The following TBL1XR1 variants were observed in gnomAD, a reference collection of about 807,000 sequenced individuals.
TBL1XR1 encodes F-box-like/WD repeat-containing protein TBL1XR1.
Under a neutral mutation model 66.9 loss-of-function variants are expected in TBL1XR1, and 5 were observed. The ratio of observed to expected loss-of-function variants is 0.07; its 90% CI spans 0.04 to 0.16. TBL1XR1 has a LOEUF of 0.16. Among genes scored for constraint, TBL1XR1 ranks in the 10% least tolerant of loss-of-function variants. The pLI, the probability that TBL1XR1 is intolerant of heterozygous loss-of-function variation, is 1.00. For missense variants in TBL1XR1, 238 were observed against 623.2 expected (o/e 0.38, Z 6.58); for synonymous variants, 210 against 206.0 (o/e 1.02, Z -0.17).
Position 177,038,090 on chromosome 3 carries a change from C to T in TBL1XR1, c.1122+8G>A. 1 of 1,611,710 alleles carries T rather than the reference C, an allele frequency of 6.2e-7. No homozygotes were observed. Among genetic ancestry groups the T allele is most frequent in the Middle Eastern group, 2.2e-4 (1 of 4,604 alleles). Reference sequence around the variant, plus strand: ...CGCCAACCCATTTCTCCCTACTAAGCAAATTACCTTTAAAGTCATGTCGTC... The same window carrying T: ...CGCCAACCCATTTCTCCCTACTAAGTAAATTACCTTTAAAGTCATGTCGTC... On this transcript the variant is annotated splice_region_variant and intron_variant, in intron 12 of 15. Coordinates refer to ENST00000457928, the MANE Select transcript of TBL1XR1 (RefSeq NM_024665.7).
At chr3:177,033,507 A>G (rs114716215) in intron 13 of TBL1XR1, among the ~76,000 whole-genome samples, 1,610 of 151,662 alleles carry the variant, frequency 0.011, 34 homozygotes, top group African/African-American at 0.037. Flanking sequence ...ACATTTTTCC[A>G]TTTATCTTTT....
At chr3:177,122,631 T>C (rs1163866560) in intron 1 of TBL1XR1, among the ~76,000 whole-genome samples, 1 of 151,992 alleles carries the variant, frequency 6.6e-6, no homozygotes, top group Non-Finnish European at 1.5e-5. Flanking sequence ...TAAAGTCGAG[T>C]GTGAGGAAAA....
chr3:177,174,778 G>A (rs1026498951), intron 1 of TBL1XR1, among the ~76,000 whole-genome samples: 3 of 152,044 alleles, frequency 2.0e-5, no homozygotes, highest in Admixed American at 1.3e-4. Flanking sequence ...CAGAGCTAAG[G>A]CCCTTCCCTC....
At position 177,104,129 on chromosome 3, in the gene TBL1XR1, A is replaced by AAAGAGAG. The variant is rs754019574; in HGVS notation, c.-121-5589_-121-5588insCTCTCTT. On this transcript the variant is annotated intron_variant, in intron 1 of 15. Transcript: ENST00000457928. ...AGACTCGGTCTCCAAAAAAAAAAAA[A>AAAGAGAG]AGAGAGAGAGAGAAATATATAAGAA... Among the ~76,000 whole-genome samples, 68 of 141,216 alleles carry AAAGAGAG rather than the reference A, an allele frequency of 4.8e-4. 2 individuals are homozygous for AAAGAGAG. The highest frequency in any genetic ancestry group is 6.6e-4 in the African/African-American group (25 of 38,080). The allele number at this position is 141,216 out of a possible 152,430, so 92.6% of individuals were successfully genotyped here. A position where few individuals can be genotyped will look rare whatever the true frequency, so the allele number is the denominator to read the frequency against.
chr3:177,130,094 G>C (rs1307917217), intron 1 of TBL1XR1, among the ~76,000 whole-genome samples: 2 of 139,384 alleles, frequency 1.4e-5, no homozygotes, highest in African/African-American at 5.4e-5. Context: ...GCAGTGAGCC[G>C]AGATCACGCC....
At chr3:177,119,889 AG>A (rs1368520184) in intron 1 of TBL1XR1, among the ~76,000 whole-genome samples, 2 of 152,196 alleles carry the variant, frequency 1.3e-5, no homozygotes, top group Non-Finnish European at 2.9e-5. Context: ...CCTTGGTATT[AG>A]TTACTTCAAA....
At chr3:177,079,883 TAGAA>T (rs1378040351) in intron 2 of TBL1XR1, 1 of 151,680 alleles carries the variant, frequency 6.6e-6, no homozygotes, top group Non-Finnish European at 1.5e-5. Flanking sequence ...CATGATGTAA[TAGAA>T]AGAGTCCTGG....
At chr3:177,201,194 C>T (rs1009901916), upstream of TBL1XR1, among the ~76,000 whole-genome samples, 10 of 150,164 alleles carry the variant, frequency 6.7e-5, no homozygotes, top group East Asian at 6.0e-4. Context: ...GGGCGGATCA[C>T]GAGGTCGGGA....
intron 2 of TBL1XR1, among the ~76,000 whole-genome samples, chr3:177,069,041 A>G (rs979015121): frequency 3.3e-5 from 5 of 152,248 alleles, no homozygotes; most frequent in Admixed American, 6.5e-5. Context: ...TAAATTAAAA[A>G]TAACATCTTG....
Position 177,180,548 on chromosome 3 carries a change from T to A in TBL1XR1, c.-122+16573A>T, listed in dbSNP as rs568944777. Among the ~76,000 whole-genome samples the A allele has an allele frequency of 1.3e-5, 2 of 152,098 alleles. 1 individual carries two copies. The highest frequency in any genetic ancestry group is 4.1e-4 in the South Asian group (2 of 4,834). ...ATCACTAAAATACTGTTGCAATCAT[T>A]TTAAGTTCAAAGTTTTAAAACCGAA... On this transcript the variant is annotated intron_variant, in intron 1 of 15. Transcript: ENST00000457928.
chr3:177,047,163 A>C (rs1716437960), intron 9 of TBL1XR1, 137 bp downstream of exon 9: 1 of 682,536 alleles, frequency 1.5e-6, no homozygotes, highest in African/African-American at 1.8e-5. Flanking sequence ...TGATAGACCT[A>C]AGGAGTATTT....
At chr3:177,055,753 T>C (rs1458609931) in intron 3 of TBL1XR1, among the ~76,000 whole-genome samples, 10 of 152,254 alleles carry the variant, frequency 6.6e-5, no homozygotes, top group Non-Finnish European at 1.3e-4. Context: ...TTTTCAATTA[T>C]ATAACCCCTC....
chr3:177,044,391 T>C (rs528353229), intron 10 of TBL1XR1, among the ~76,000 whole-genome samples: 2 of 152,074 alleles, frequency 1.3e-5, no homozygotes, highest in East Asian at 3.9e-4. Flanking sequence ...CTGATAACAG[T>C]TGAATAAGAT....
intron 10 of TBL1XR1, among the ~76,000 whole-genome samples, chr3:177,039,576 G>C (rs970351853): frequency 6.6e-6 from 1 of 150,798 alleles, no homozygotes; most frequent in Admixed American, 6.7e-5. Flanking sequence ...TTAATACTTT[G>C]AGTTTAGCTC....
chr3:177,166,081 C>A (rs907911199), intron 1 of TBL1XR1, among the ~76,000 whole-genome samples: 5 of 151,884 alleles, frequency 3.3e-5, no homozygotes, highest in Non-Finnish European at 4.4e-5. Flanking sequence ...CAGAGCCACA[C>A]CCTGTCCAAA....
intron 2 of TBL1XR1, among the ~76,000 whole-genome samples, chr3:177,096,502 A>G (rs751227549): frequency 2.0e-4 from 30 of 152,192 alleles, no homozygotes; most frequent in Non-Finnish European, 1.0e-4. Flanking sequence ...TTTTCACTTA[A>G]GGATAGGCAT....
intron 2 of TBL1XR1, among the ~76,000 whole-genome samples, chr3:177,085,346 T>C (rs115850588): frequency 0.012 from 1,878 of 152,268 alleles, 23 homozygotes; most frequent in Non-Finnish European, 0.019. Context: ...TGAACTGACA[T>C]TGGAACCACT....
In TBL1XR1 at chr3:177,030,102, G is replaced by T. The variant is rs1366938781; in HGVS notation, c.1416+2869C>A. On this transcript the variant is annotated intron_variant, in intron 14 of 15. Coordinates refer to ENST00000457928, the MANE Select transcript of TBL1XR1 (RefSeq NM_024665.7). ...GGATATGCTATGCACAGGTGTGTGTGTGTATGTGTGTGTGTGTGTATATAT... is the reference window on the plus strand; with the variant it reads ...GGATATGCTATGCACAGGTGTGTGTTTGTATGTGTGTGTGTGTGTATATAT... 2.7e-5 allele frequency among the ~76,000 whole-genome samples: 4 copies of T among 150,136 alleles called. No homozygotes were observed. In the East Asian group the frequency reaches 8.1e-4, roughly 31 times the overall value.
intron 1 of TBL1XR1, among the ~76,000 whole-genome samples, chr3:177,182,897 G>T (rs755373093): frequency 1.3e-5 from 2 of 152,078 alleles, no homozygotes; most frequent in Non-Finnish European, 2.9e-5. Context: ...TTATATAATG[G>T]TCATTCTTCT....
Sources: gnomAD v4.1 joint callset for allele counts (sites outside exome capture counted in the v4.1 genomes callset) on GRCh38, gnomAD v4.1.1 for gene constraint, MANE v1.5 for transcripts, NCBI Gene and HGNC (gene_info 2026-07-23, HGNC 2026-07-21) for gene names.